Variants in ANKRD36 observed in about 807,000 individuals in gnomAD.
ANKRD36 encodes the protein ankyrin repeat domain-containing protein 36A.
In ANKRD36, 179 loss-of-function variants were observed where a neutral mutation model predicts 278.1. The observed-to-expected ratio is 0.64, with a 90% confidence interval of 0.57 to 0.73. The LOEUF is 0.73. Among genes scored for constraint, ANKRD36 ranks in the 30% least tolerant of loss-of-function variants. The pLI is 0.00. For synonymous variants in ANKRD36, 320 were observed against 641.1 expected (o/e 0.50, Z 7.57); for missense variants, 1,159 against 1,956.7 (o/e 0.59, Z 7.69).
rs1403563710 is a variant in ANKRD36 at position 97,189,948 on chromosome 2, A to G, written c.2245+658A>G. On this transcript the variant is annotated intron_variant, in intron 34 of 75. Coordinates refer to ENST00000420699, the MANE Select transcript of ANKRD36 (RefSeq NM_001354587.1). ...GAATTGGGATAAAGCACACTGACTCATTACTCCTTTTTGTTACTATTAGGC... is the reference window on the plus strand; with the variant it reads ...GAATTGGGATAAAGCACACTGACTCGTTACTCCTTTTTGTTACTATTAGGC... Among the ~76,000 whole-genome samples, 2 of 82,736 alleles carry G rather than the reference A, an allele frequency of 2.4e-5. 1 individual carries two copies. Among genetic ancestry groups the G allele is most frequent in the Non-Finnish European group, 8.6e-5 (2 of 23,306 alleles). 54.3% of individuals were successfully genotyped at this position (82,736 alleles called of 152,430 possible). A position where few individuals can be genotyped will look rare whatever the true frequency, so the allele number is the denominator to read the frequency against.
intron 6 of ANKRD36, among the ~76,000 whole-genome samples, chr2:97,135,932 A>G (rs1481242954): frequency 6.6e-6 from 1 of 151,886 alleles, no homozygotes; most frequent in Non-Finnish European, 1.5e-5. Flanking sequence ...TTTGGTCTTC[A>G]ACCCCATTTT....
intron 32 of ANKRD36, among the ~76,000 whole-genome samples, chr2:97,188,701 G>T (rs572762020): frequency 7.5e-5 from 7 of 93,908 alleles, no homozygotes; most frequent in East Asian, 2.2e-4. Context: ...AAATCCTTTT[G>T]ATTTCCTGCA....
At chr2:97,138,974 C>T (rs1364002180) in intron 6 of ANKRD36, among the ~76,000 whole-genome samples, 2 of 152,048 alleles carry the variant, frequency 1.3e-5, no homozygotes, top group African/African-American at 4.8e-5. Context: ...TGTATAAAAA[C>T]CCTGGATGAA....
intron 22 of ANKRD36, among the ~76,000 whole-genome samples, chr2:97,177,658 C>T (rs953713730): frequency 1.7e-4 from 26 of 151,978 alleles, no homozygotes; most frequent in African/African-American, 6.3e-4. Context: ...CTTCCTTACA[C>T]CTTATACAAA....
intron 6 of ANKRD36, among the ~76,000 whole-genome samples, chr2:97,127,852 A>G (rs975358695): frequency 6.6e-5 from 10 of 152,012 alleles, no homozygotes; most frequent in African/African-American, 2.4e-4. Flanking sequence ...AAAAAACAAT[A>G]ATAGTTGATA....
chr2:97,158,249 A>G, intron 16 of ANKRD36, 82 bp downstream of exon 16: 2 of 1,367,184 alleles, frequency 1.5e-6, no homozygotes, highest in Non-Finnish European at 2.0e-6. Flanking sequence ...TTTTGTAGAC[A>G]GAGTGTTACT....
At chr2:97,225,389 A>C (rs1292617332) in intron 67 of ANKRD36, among the ~76,000 whole-genome samples, 1 of 152,108 alleles carries the variant, frequency 6.6e-6, no homozygotes, top group Non-Finnish European at 1.5e-5. Flanking sequence ...AATCAACCCA[A>C]CTGGCTATCA....
chr2:97,181,183 C>A (rs898829772), intron 24 of ANKRD36, among the ~76,000 whole-genome samples: 2 of 151,574 alleles, frequency 1.3e-5, no homozygotes, highest in African/African-American at 4.8e-5. Flanking sequence ...AGTTAAAGGG[C>A]ATGATGAATG....
Position 97,211,727 on chromosome 2 carries a change from A to C in ANKRD36, c.3455A>C (p.Gln1152Pro), listed in dbSNP as rs763312823. 1.3e-6 allele frequency: 2 copies of C among 1,584,928 alleles called. No homozygotes were observed. The highest frequency in any genetic ancestry group is 2.3e-5 in the South Asian group (2 of 86,614). ...ATGGCCACGGAAAAAAAGGATGAACAAATATCTGGGACAGGTAATTTTGCA... is the reference window on the plus strand; with the variant it reads ...ATGGCCACGGAAAAAAAGGATGAACCAATATCTGGGACAGGTAATTTTGCA... ...PNMATEKKDE[Q>P]ISGTVSCQKQ... The change falls in exon 58 of 76, where the codon CAA (glutamine) becomes CCA (proline). Residue 1152 changes from glutamine to proline, a missense_variant. Physicochemically the swap from Gln to Pro is moderately conservative, Grantham distance 76. Transcript: ENST00000420699.
chr2:97,235,084 C>T (rs1425849563), intron 68 of ANKRD36, among the ~76,000 whole-genome samples: 1 of 150,606 alleles, frequency 6.6e-6, no homozygotes, highest in East Asian at 2.0e-4. Flanking sequence ...AAATGTTTGC[C>T]TAGCACAAGG....
chr2:97,199,881 T>C (rs1421498141), intron 44 of ANKRD36, among the ~76,000 whole-genome samples: 2 of 151,912 alleles, frequency 1.3e-5, no homozygotes, highest in Admixed American at 6.6e-5. Flanking sequence ...ATTGTGTGCC[T>C]TCTCAGTTAT....
At chr2:97,199,824 T>G (rs2060817982) in intron 44 of ANKRD36, among the ~76,000 whole-genome samples, 1 of 151,896 alleles carries the variant, frequency 6.6e-6, no homozygotes, top group Non-Finnish European at 1.5e-5. Flanking sequence ...TCAGGACACT[T>G]GCACTGAAGA....
In ANKRD36 at chr2:97,241,257, T is replaced by C. The variant is rs78039917; in HGVS notation, c.4094-9T>C. 6.6e-7 allele frequency: 1 copy of C among 1,520,360 alleles called. No individual in the cohort carries two copies. Among genetic ancestry groups the C allele is most frequent in the Non-Finnish European group, 8.9e-7 (1 of 1,123,620 alleles). 94.2% of individuals were successfully genotyped at this position (1,520,360 alleles called of 1,614,324 possible). A position where few individuals can be genotyped will look rare whatever the true frequency, so the allele number is the denominator to read the frequency against. On this transcript the variant is annotated splice_polypyrimidine_tract_variant and intron_variant, in intron 68 of 75. Coordinates refer to ENST00000420699, the MANE Select transcript of ANKRD36 (RefSeq NM_001354587.1). ...ATTTTATCTCTACTTTGTTTTTTCCTGGTTACAGATTGTGTTCACCTATTG... is the reference window on the plus strand; with the variant it reads ...ATTTTATCTCTACTTTGTTTTTTCCCGGTTACAGATTGTGTTCACCTATTG...
chr2:97,116,423 G>A (rs1303968569), intron 1 of ANKRD36, among the ~76,000 whole-genome samples: 6 of 151,914 alleles, frequency 3.9e-5, no homozygotes, highest in Admixed American at 3.3e-4. Flanking sequence ...ACAGGTGTGC[G>A]CCTCCATGCC....
intron 36 of ANKRD36, among the ~76,000 whole-genome samples, chr2:97,192,003 C>G (rs924646159): frequency 2.0e-5 from 3 of 151,698 alleles, no homozygotes; most frequent in African/African-American, 7.2e-5. Flanking sequence ...ATACTCCCAA[C>G]AAGGCTATTT....
chr2:97,206,152 A>G lies in ANKRD36; in HGVS notation c.3163+17A>G. The G allele has an allele frequency of 6.6e-7, 1 of 1,523,216 alleles. No individual in the cohort carries two copies. The highest frequency in any genetic ancestry group is 8.8e-7 in the Non-Finnish European group (1 of 1,135,458). 94.4% of individuals were successfully genotyped at this position (1,523,216 alleles called of 1,614,324 possible). A position where few individuals can be genotyped will look rare whatever the true frequency, so the allele number is the denominator to read the frequency against. ...CTAGGACAGGTAATTCTGAAAACAG[A>G]TTTAATGCCATGTTCAGTCGAGATA... On this transcript the variant is annotated intron_variant, in intron 52 of 75. Coordinates refer to ENST00000420699, the MANE Select transcript of ANKRD36 (RefSeq NM_001354587.1).
intron 15 of ANKRD36, among the ~76,000 whole-genome samples, chr2:97,156,939 G>T (rs765835498): frequency 5.9e-4 from 89 of 151,834 alleles, no homozygotes; most frequent in Non-Finnish European, 9.7e-4. Context: ...GGTATCTCAT[G>T]GTGGTCTTGA....
At chr2:97,216,644 C>T (rs1347491258) in intron 62 of ANKRD36, 1 of 235,518 alleles carries the variant, frequency 4.2e-6, no homozygotes. Flanking sequence ...AAACAGATAT[C>T]CAAGGTGATC....
At position 97,163,751 on chromosome 2, in the gene ANKRD36, A is replaced by G. The variant is rs1220090677; in HGVS notation, c.1430-532A>G. On this transcript the variant is annotated intron_variant, in intron 18 of 75. Coordinates refer to ENST00000420699, the MANE Select transcript of ANKRD36 (RefSeq NM_001354587.1). ...CCACCACACCCGGCTAATTTTACGC[A>G]TTTTTAGTAGAGACGGGGTTTCACC... 6 of 298,402 alleles carry G rather than the reference A, an allele frequency of 2.0e-5. No individual in the cohort carries two copies. In the East Asian group the frequency reaches 8.4e-4, roughly 42 times the overall value. The allele number at this position is 298,402 out of a possible 1,614,324, so 18.5% of individuals were successfully genotyped here.
Sources: allele counts gnomAD v4.1 joint callset (sites outside exome capture counted in the v4.1 genomes callset), GRCh38; gene constraint gnomAD v4.1.1; transcripts MANE v1.5; gene names NCBI Gene and HGNC (gene_info 2026-07-23, HGNC 2026-07-21).